JARID2: variants seen among roughly 807,000 people sequenced by gnomAD.
JARID2 encodes protein Jumonji.
Under a neutral mutation model 125.6 loss-of-function variants are expected in JARID2, and 21 were observed. The ratio of observed to expected loss-of-function variants is 0.17; its 90% CI spans 0.12 to 0.24. The LOEUF is 0.24. Among genes scored for constraint, JARID2 ranks in the 10% least tolerant of loss-of-function variants. The pLI, the probability that JARID2 is intolerant of heterozygous loss-of-function variation, is 1.00. For missense variants in JARID2, 1,303 were observed against 1,639.6 expected, an observed-to-expected ratio of 0.79 and a Z score of 3.55; for synonymous variants, 736 against 661.6, an observed-to-expected ratio of 1.11 and a Z score of -1.73.
At chr6:15,486,503 C>T (rs1176016550) in intron 5 of JARID2, among the ~76,000 whole-genome samples, 1 of 152,214 alleles carries the variant, frequency 6.6e-6, no homozygotes, top group African/African-American at 2.4e-5. Context: ...GTGCCAGGCA[C>T]GTACCCCCTC....
At chr6:15,265,570 C>T (rs893777824) in intron 1 of JARID2, among the ~76,000 whole-genome samples, 7 of 152,230 alleles carry the variant, frequency 4.6e-5, no homozygotes, top group Admixed American at 4.6e-4. Context: ...TTGCCCTCAT[C>T]TCTCCCCATG....
chr6:15,513,108 C>T, intron 15 of JARID2, 63 bp downstream of exon 15: 2 of 1,606,964 alleles, frequency 1.2e-6, no homozygotes, highest in Non-Finnish European at 1.7e-6. Context: ...GGGCTCACCC[C>T]CCGAGCAGGC....
chr6:15,520,397 AGCATTAAACTGTT>A lies in JARID2; in HGVS notation c.*148_*160del, dbSNP rs1431465023. The A allele has an allele frequency of 4.7e-6, 3 of 644,800 alleles. No homozygotes were observed. The highest frequency in any genetic ancestry group is 3.8e-5 in the African/African-American group (2 of 53,256). 39.9% of individuals were successfully genotyped at this position (644,800 alleles called of 1,614,324 possible). The stretch of plus-strand genomic sequence containing the variant: ...GGTTTTAGAGAACTAATTTTGTTTT[AGCATTAAACTGTT>A]GAACTTTTTTTTGTACTTAGAAAAC... On this transcript the variant is annotated 3_prime_UTR_variant, in exon 18 of 18. Transcript: ENST00000341776.
chr6:15,461,308 C>T (rs183801285), intron 4 of JARID2, among the ~76,000 whole-genome samples: 59 of 152,290 alleles, frequency 3.9e-4, no homozygotes, highest in Non-Finnish European at 5.0e-4. Context: ...TTGTATTCTC[C>T]TTGTGAAGTC....
intron 17 of JARID2, among the ~76,000 whole-genome samples, chr6:15,519,647 G>T (rs1771736098): frequency 1.3e-5 from 2 of 152,236 alleles, no homozygotes; most frequent in South Asian, 4.1e-4. Context: ...AGGTTGAGAA[G>T]TGTTTGCATT....
At chr6:15,483,073 A>G (rs971360837) in intron 5 of JARID2, among the ~76,000 whole-genome samples, 5 of 152,360 alleles carry the variant, frequency 3.3e-5, no homozygotes, top group African/African-American at 1.2e-4. Context: ...TTGAATAGAC[A>G]GGCTTGCTTT....
intron 1 of JARID2, among the ~76,000 whole-genome samples, chr6:15,317,733 T>G (rs1365727800): frequency 6.6e-6 from 1 of 152,184 alleles, no homozygotes; most frequent in African/African-American, 2.4e-5. Context: ...GAAAATGCCA[T>G]GGCTGCGTGG....
At chr6:15,446,910 T>G (rs957258780) in intron 3 of JARID2, among the ~76,000 whole-genome samples, 2 of 152,210 alleles carry the variant, frequency 1.3e-5, no homozygotes, top group African/African-American at 4.8e-5. Context: ...GTTCGTCTGC[T>G]GCTCCTATTT....
At chr6:15,277,148 G>A (rs921904868) in intron 1 of JARID2, among the ~76,000 whole-genome samples, 1 of 152,118 alleles carries the variant, frequency 6.6e-6, no homozygotes, top group African/African-American at 2.4e-5. Flanking sequence ...CTTTTGCAAA[G>A]CAGAATCTAT....
intron 1 of JARID2, among the ~76,000 whole-genome samples, chr6:15,311,556 C>T (rs903137123): frequency 6.6e-6 from 1 of 152,032 alleles, no homozygotes; most frequent in African/African-American, 2.4e-5. Flanking sequence ...CCAGCCTGGG[C>T]AACAAGAGCG....
At chr6:15,438,115 A>G (rs1767291183) in intron 3 of JARID2, among the ~76,000 whole-genome samples, 1 of 152,052 alleles carries the variant, frequency 6.6e-6, no homozygotes, top group African/African-American at 2.4e-5. Flanking sequence ...TGGGGAGGAA[A>G]CTTGAAGTAT....
chr6:15,264,804 C>T (rs1030428490), intron 1 of JARID2, among the ~76,000 whole-genome samples: 1 of 152,154 alleles, frequency 6.6e-6, no homozygotes, highest in Admixed American at 6.5e-5. Flanking sequence ...ACGCCACATC[C>T]CTCCTACTAA....
intron 12 of JARID2, chr6:15,509,467 C>T (rs1453417683): frequency 2.0e-6 from 1 of 493,238 alleles, no homozygotes; most frequent in African/African-American, 2.1e-5. Flanking sequence ...GCCCTCCCTT[C>T]CCACATGGGT....
intron 1 of JARID2, among the ~76,000 whole-genome samples, chr6:15,283,881 G>T (rs1001900415): frequency 3.3e-5 from 5 of 151,072 alleles, no homozygotes; most frequent in Non-Finnish European, 7.4e-5. Flanking sequence ...AATTTTTTTT[G>T]AATTTTTAGT....
At chr6:15,336,866 T>C (rs1438863824) in intron 1 of JARID2, among the ~76,000 whole-genome samples, 1 of 152,154 alleles carries the variant, frequency 6.6e-6, no homozygotes, top group African/African-American at 2.4e-5. Flanking sequence ...ACTGTAATTC[T>C]GTTGCGCAGT....
chr6:15,432,595 G>GT (rs1767016472), intron 3 of JARID2, among the ~76,000 whole-genome samples: 1 of 152,210 alleles, frequency 6.6e-6, no homozygotes, highest in South Asian at 2.1e-4. Flanking sequence ...TGGTTACTTG[G>GT]TGTATGCCCC....
chr6:15,440,068 T>C (rs1767379152), intron 3 of JARID2, among the ~76,000 whole-genome samples: 2 of 152,222 alleles, frequency 1.3e-5, no homozygotes, highest in South Asian at 4.1e-4. Flanking sequence ...TTTACCTTCT[T>C]GGAAACGTTT....
chr6:15,447,051 A>G (rs767914639), intron 3 of JARID2, among the ~76,000 whole-genome samples: 36 of 151,994 alleles, frequency 2.4e-4, no homozygotes, highest in Admixed American at 4.6e-4. Context: ...ATTTCCCCAA[A>G]CAGCAGCTCG....
At chr6:15,290,159 C>G (rs1390442888) in intron 1 of JARID2, among the ~76,000 whole-genome samples, 1 of 152,312 alleles carries the variant, frequency 6.6e-6, no homozygotes, top group Middle Eastern at 3.4e-3. Context: ...GTTTTGATAT[C>G]TGTCACTATA....
Sources: gnomAD v4.1 joint callset for allele counts (sites outside exome capture counted in the v4.1 genomes callset) on GRCh38, gnomAD v4.1.1 for gene constraint, MANE v1.5 for transcripts, NCBI Gene and HGNC (gene_info 2026-07-23, HGNC 2026-07-21) for gene names.